Variants in KANSL1L observed in about 807,000 individuals in gnomAD.
The protein encoded by KANSL1L is KAT8 regulatory NSL complex subunit 1 like, also known as KAT8 regulatory NSL complex subunit 1-like protein.
In KANSL1L, 25 loss-of-function variants were observed where a neutral mutation model predicts 108.6. That is an observed-to-expected ratio of 0.23 (90% CI 0.17 to 0.32). The LOEUF (loss-of-function observed/expected upper bound fraction) is 0.32. Ranked by LOEUF, KANSL1L falls within the 10% of genes least tolerant of loss-of-function variation. The pLI, the probability that KANSL1L is intolerant of heterozygous loss-of-function variation, is 1.00. For synonymous variants in KANSL1L, 405 were observed against 395.1 expected (o/e 1.03, Z -0.30); for missense variants, 1,137 against 1,125.7 (o/e 1.01, Z -0.14).
At chr2:210,077,477 C>T (rs2094550678) in intron 5 of KANSL1L, among the ~76,000 whole-genome samples, 1 of 152,028 alleles carries the variant, frequency 6.6e-6, no homozygotes, top group Non-Finnish European at 1.5e-5. Flanking sequence ...TGAAGTTAGG[C>T]ACTGAACAGG....
chr2:210,070,352 C>A lies in KANSL1L; in HGVS notation c.1755+5200G>T, dbSNP rs1341970038. 8.0e-5 allele frequency among the ~76,000 whole-genome samples: 12 copies of A among 150,854 alleles called. No homozygotes were observed. In the East Asian group the frequency reaches 1.4e-3, roughly 17 times the overall value. On this transcript the variant is annotated intron_variant, in intron 6 of 14. Coordinates refer to ENST00000281772, the MANE Select transcript of KANSL1L (RefSeq NM_152519.4). ...TTCATGCCATTCTCCTGCCTCAGCC[C>A]CCGAGTAGCTGGGACTACAGGCGCC...
At chr2:210,148,088 A>G (rs1267573655) in intron 2 of KANSL1L, among the ~76,000 whole-genome samples, 3 of 152,222 alleles carry the variant, frequency 2.0e-5, no homozygotes, top group Non-Finnish European at 4.4e-5. Flanking sequence ...ATATCTAAGT[A>G]AAAACTTAAA....
chr2:210,043,868 C>A (rs781617766), intron 7 of KANSL1L, 71 bp downstream of exon 7: 1 of 1,003,596 alleles, frequency 1.0e-6, no homozygotes, highest in Middle Eastern at 2.2e-4. Context: ...TTATTAGATT[C>A]TCTGTATTTA....
At chr2:210,119,157 CT>C (rs895346066) in intron 3 of KANSL1L, among the ~76,000 whole-genome samples, 18 of 151,208 alleles carry the variant, frequency 1.2e-4, no homozygotes, top group Admixed American at 4.0e-4. Flanking sequence ...GCACTCCAGC[CT>C]GGTGACAGAG....
intron 6 of KANSL1L, among the ~76,000 whole-genome samples, chr2:210,047,489 C>T (rs1207231135): frequency 6.6e-6 from 1 of 152,226 alleles, no homozygotes; most frequent in East Asian, 1.9e-4. Context: ...ACAAGGATCA[C>T]TTTTCCTCTA....
At chr2:210,054,896 C>T (rs946308035) in intron 6 of KANSL1L, among the ~76,000 whole-genome samples, 2 of 151,726 alleles carry the variant, frequency 1.3e-5, no homozygotes, top group Non-Finnish European at 2.9e-5. Context: ...TACAGAAAAC[C>T]CCAAAGAACA....
intron 3 of KANSL1L, among the ~76,000 whole-genome samples, chr2:210,110,049 C>T (rs2094889267): frequency 6.6e-6 from 1 of 152,148 alleles, no homozygotes; most frequent in African/African-American, 2.4e-5. Flanking sequence ...CTTCCCATCT[C>T]TCTGTTTTCA....
At chr2:210,126,228 T>A (rs1028222861) in intron 3 of KANSL1L, among the ~76,000 whole-genome samples, 1 of 152,024 alleles carries the variant, frequency 6.6e-6, no homozygotes, top group Non-Finnish European at 1.5e-5. Flanking sequence ...TCAAAAAGAA[T>A]AAAACACTTC....
intron 2 of KANSL1L, 187 bp downstream of exon 2, chr2:210,153,308 T>TG (rs2095314910): frequency 2.0e-6 from 1 of 496,064 alleles, no homozygotes; most frequent in Middle Eastern, 5.5e-4. Flanking sequence ...GAGCCAGGAT[T>TG]GCACCACTAC....
intron 6 of KANSL1L, among the ~76,000 whole-genome samples, chr2:210,068,958 T>C (rs1313823941): frequency 6.6e-6 from 1 of 152,184 alleles, no homozygotes; most frequent in Non-Finnish European, 1.5e-5. Flanking sequence ...GAGCAAGCTA[T>C]ATCACTTTTT....
At chr2:210,094,033 G>A (rs2094715043) in intron 5 of KANSL1L, among the ~76,000 whole-genome samples, 1 of 152,148 alleles carries the variant, frequency 6.6e-6, no homozygotes, top group African/African-American at 2.4e-5. Context: ...AAGGTAAAGT[G>A]GTAGTGGCCA....
At chr2:210,072,669 G>A (rs1038686595) in intron 6 of KANSL1L, among the ~76,000 whole-genome samples, 65 of 133,472 alleles carry the variant, frequency 4.9e-4, no homozygotes, top group African/African-American at 1.7e-3. Context: ...GTGAGTTCCC[G>A]CCACTGATCT....
intron 6 of KANSL1L, among the ~76,000 whole-genome samples, chr2:210,060,185 C>T (rs1271198886): frequency 6.6e-6 from 1 of 152,132 alleles, no homozygotes; most frequent in East Asian, 1.9e-4. Context: ...TGAAAACTTT[C>T]AAATGAAATT....
intron 4 of KANSL1L, 95 bp downstream of exon 4, chr2:210,104,009 C>A: frequency 5.3e-6 from 5 of 949,100 alleles, no homozygotes; most frequent in South Asian, 1.5e-5. Flanking sequence ...AACACATATG[C>A]CAGGAAGATA....
chr2:210,112,081 G>A (rs1036433030), intron 3 of KANSL1L, among the ~76,000 whole-genome samples: 17 of 152,088 alleles, frequency 1.1e-4, no homozygotes, highest in Non-Finnish European at 2.4e-4. Context: ...TTTTATGGCT[G>A]CATAGTATTC....
intron 6 of KANSL1L, among the ~76,000 whole-genome samples, chr2:210,048,034 T>C (rs1477709230): frequency 2.6e-5 from 4 of 152,172 alleles, no homozygotes; most frequent in African/African-American, 9.7e-5. Flanking sequence ...TACTGAACAA[T>C]GCCACCCTGC....
intron 3 of KANSL1L, among the ~76,000 whole-genome samples, chr2:210,112,432 A>C (rs1280201096): frequency 6.6e-6 from 1 of 152,200 alleles, no homozygotes; most frequent in Non-Finnish European, 1.5e-5. Flanking sequence ...CAAACAAAAC[A>C]ATAAAACACA....
At chr2:210,061,045 A>G (rs953565720) in intron 6 of KANSL1L, among the ~76,000 whole-genome samples, 5 of 152,224 alleles carry the variant, frequency 3.3e-5, no homozygotes, top group Non-Finnish European at 7.3e-5. Flanking sequence ...CCTACCTTCA[A>G]CCAACCATTT....
intron 5 of KANSL1L, among the ~76,000 whole-genome samples, chr2:210,087,234 A>G (rs2094646489): frequency 6.6e-6 from 1 of 152,014 alleles, no homozygotes; most frequent in Non-Finnish European, 1.5e-5. Context: ...TATGTTGCCC[A>G]AGCTGGATTT....
Sources: gnomAD v4.1 joint callset for allele counts (sites outside exome capture counted in the v4.1 genomes callset) on GRCh38, gnomAD v4.1.1 for gene constraint, MANE v1.5 for transcripts, NCBI Gene and HGNC (gene_info 2026-07-23, HGNC 2026-07-21) for gene names.